Variants in RNF151 observed in about 807,000 individuals in gnomAD.
RNF151 encodes the protein ring finger protein 151.
A neutral mutation model predicts 11.1 loss-of-function variants in RNF151; 9 were observed. The observed-to-expected ratio is 0.81, with a 90% CI of 0.49 to 1.42. The LOEUF is 1.42. Ranked by LOEUF, RNF151 falls within the 40% of genes most tolerant of loss-of-function variation. RNF151 has a pLI of 0.00. For missense variants in RNF151, 372 were observed against 342.9 expected (o/e 1.08, Z -0.67); for synonymous variants, 172 against 140.7 (o/e 1.22, Z -1.58).
At chr16:1,968,315 A>G (rs116292986) in intron 3 of RNF151, 119 bp from the exon 4 acceptor site, 37,215 of 1,282,912 alleles carry the variant, frequency 0.029, 707 homozygotes, top group African/African-American at 0.085. Context: ...CCAACTCACC[A>G]GAGTCAGAAA....
chr16:1,968,875 G>GTTGGGGC lies in RNF151; in HGVS notation c.690_696dup (p.Glu233TrpfsTer3). The GTTGGGGC allele has an allele frequency of 6.2e-7, 1 of 1,600,850 alleles. No homozygotes were observed. The highest frequency in any genetic ancestry group is 8.5e-7 in the Non-Finnish European group (1 of 1,174,478). On this transcript the variant is annotated frameshift_variant, in exon 4 of 4. Coordinates refer to ENST00000569714, the MANE Select transcript of RNF151 (RefSeq NM_174903.6). LOFTEE classifies it high-confidence loss of function. ...GGCCGAGGCTGCCCCAGAAGGCAAC[G>GTTGGGGC]TTGGGGCTGAGGTGGTGGGGGAGCC...
chr16:1,967,576 C>A, intron 2 of RNF151, 149 bp from the exon 3 acceptor site: 1 of 906,970 alleles, frequency 1.1e-6, no homozygotes, highest in Admixed American at 2.2e-5. Flanking sequence ...CTGCAGACCC[C>A]GGCCCCACCC....
rs369984576 is a variant in RNF151 at position 1,968,746 on chromosome 16, C to T, written c.559C>T (p.Arg187Cys). 1.6e-5 allele frequency: 26 copies of T among 1,576,190 alleles called. No individual in the cohort carries two copies. Among genetic ancestry groups the T allele is most frequent in the South Asian group, 2.3e-5 (2 of 86,212 alleles). Residue 187 changes from arginine (R) to cysteine (C), a missense_variant, in exon 4 of 4, where the codon CGC (arginine) becomes TGC (cysteine). By Grantham distance (180) the Arg-to-Cys change is radical (BLOSUM62 -3). Coordinates refer to ENST00000569714, the MANE Select transcript of RNF151 (RefSeq NM_174903.6). Reference sequence around the variant, plus strand: ...GCTGCTGTCCCTCCTGCGGCGTGTGCGCTGGCTGGACCAAGCCACCAGTGT... The same window carrying T: ...GCTGCTGTCCCTCCTGCGGCGTGTGTGCTGGCTGGACCAAGCCACCAGTGT... ...PLLLSLLRRV[R>C]WLDQATSVVR...
In RNF151 at chr16:1,967,409, T is replaced by C; in HGVS notation, c.139T>C (p.Trp47Arg). Residue 47 changes from tryptophan to arginine, a missense_variant, in exon 2 of 4, where the codon TGG (tryptophan) becomes CGG (arginine). Trp to Arg is a moderately radical substitution (Grantham distance 101). Coordinates refer to ENST00000569714, the MANE Select transcript of RNF151 (RefSeq NM_174903.6). ...HIFCKKCILR[W>R]LARQKTCPCC... ...CTTCTGCAAAAAGTGCATCCTCCGG[T>C]GGCTAGCCAGGTGCCAGCGGGTACC... The C allele has an allele frequency of 6.2e-7, 1 of 1,613,270 alleles. No individual in the cohort carries two copies. Among genetic ancestry groups the C allele is most frequent in the Admixed American group, 1.7e-5 (1 of 59,988 alleles).
At position 1,968,922 on chromosome 16, in the gene RNF151, A is replaced by G; in HGVS notation, c.735A>G (p.Lys245=). The G allele has an allele frequency of 6.3e-7, 1 of 1,587,624 alleles. No individual in the cohort carries two copies. Among genetic ancestry groups the G allele is most frequent in the Non-Finnish European group, 8.6e-7 (1 of 1,166,574 alleles). Residue 245 remains lysine, a synonymous_variant, in exon 4 of 4, where the codon AAA becomes AAG. Coordinates refer to ENST00000569714, the MANE Select transcript of RNF151 (RefSeq NM_174903.6). The part of the protein sequence containing the change: ...VGEPRANIPC[K] ...AGCCCAGGGCCAACATACCTTGTAA[A>G]TAGGTAAATAAAAGCAGACCCCCGG...
chr16:1,968,144 A>T (rs1054429528), intron 3 of RNF151: 4 of 630,382 alleles, frequency 6.3e-6, no homozygotes, highest in Non-Finnish European at 1.1e-5. Context: ...AGTTTTACAG[A>T]TGGGTAAACC....
rs573159845 is a variant in RNF151, at chr16:1,968,658, C to G, written c.471C>G (p.Arg157=). The change falls in exon 4 of 4, where the codon CGC becomes CGG. Residue 157 remains arginine, a synonymous_variant. Transcript: ENST00000569714. ...GATLDPAERA[R]HNCYRELHNA... ...CCCTGGACCCGGCCGAGCGTGCTCG[C>G]CACAACTGCTACCGGGAGCTGCACA... is the stretch of plus-strand genomic sequence containing the variant. 24 of 1,567,486 alleles carry G rather than the reference C, an allele frequency of 1.5e-5. No homozygotes were observed. The highest frequency in any genetic ancestry group is 9.4e-5 in the Admixed American group (5 of 53,312).
chr16:1,967,635 A>C lies in RNF151; in HGVS notation c.150-90A>C. Reference sequence around the variant, plus strand: ...TATGCCCTAATGCCTCATCCAGCTAATGAAGGGACCACCTGGGTCACCGAG... The same window carrying C: ...TATGCCCTAATGCCTCATCCAGCTACTGAAGGGACCACCTGGGTCACCGAG... On this transcript the variant is annotated intron_variant, in intron 2 of 3. Coordinates refer to ENST00000569714, the MANE Select transcript of RNF151 (RefSeq NM_174903.6). 3.5e-6 allele frequency: 4 copies of C among 1,132,158 alleles called. No individual in the cohort carries two copies. In the South Asian group the frequency reaches 5.3e-5, roughly 15 times the overall value. The allele number at this position is 1,132,158 out of a possible 1,614,324, so 70.1% of individuals were successfully genotyped here.
rs1308409103 is a variant in RNF151, at chr16:1,968,801, A to T, written c.614A>T (p.Asn205Ile). The T allele has an allele frequency of 1.3e-6, 2 of 1,593,536 alleles. No homozygotes were observed. The highest frequency in any genetic ancestry group is 8.5e-7 in the Non-Finnish European group (1 of 1,170,858). Residue 205 changes from asparagine (N) to isoleucine (I), a missense_variant, in exon 4 of 4, where the codon AAC becomes ATC. Asn to Ile is a moderately radical substitution (Grantham distance 149). Coordinates refer to ENST00000569714, the MANE Select transcript of RNF151 (RefSeq NM_174903.6). ...VVRRELAELS[N>I]FLEEDTALLE... ...CGTAGAGAGCTGGCGGAGCTCAGCA[A>T]CTTCCTGGAGGAAGACACCGCTCTG...
rs749662155 is a variant in RNF151, at chr16:1,967,783, A to C, written c.208A>C (p.Asn70His). The C allele has an allele frequency of 6.8e-6, 11 of 1,611,792 alleles. No homozygotes were observed. In the East Asian group the frequency reaches 1.8e-4, roughly 26 times the overall value. ...EVKRKKVVHM[N>H]KLRKTIGRLE... ...GAAAAGGAAAAAGGTTGTCCACATG[A>C]ATAAACTCCGGAAAACCATTGGCCG... Residue 70 changes from asparagine to histidine, a missense_variant, in exon 3 of 4, where the codon AAT becomes CAT. Asn to His is a moderately conservative substitution (Grantham distance 68). Coordinates refer to ENST00000569714, the MANE Select transcript of RNF151 (RefSeq NM_174903.6).
rs549557235 is a variant in RNF151, at chr16:1,968,556, G to T, written c.369G>T (p.Pro123=). 6.2e-7 allele frequency: 1 copy of T among 1,608,428 alleles called. No homozygotes were observed. The highest frequency in any genetic ancestry group is 8.5e-7 in the Non-Finnish European group (1 of 1,178,148). ...CPNEGCTSQV[P]RGTLAEHRQH... Reference sequence around the variant, plus strand: ...ACGAGGGCTGCACCTCGCAGGTGCCGCGTGGGACCCTGGCAGAGCACCGGC... The same window carrying T: ...ACGAGGGCTGCACCTCGCAGGTGCCTCGTGGGACCCTGGCAGAGCACCGGC... Residue 123 remains proline (P), a synonymous_variant, in exon 4 of 4, where the codon CCG becomes CCT. Transcript: ENST00000569714.
rs1361910413 is a variant in RNF151 at position 1,968,942 on chromosome 16, C to A, written c.*17C>A. On this transcript the variant is annotated 3_prime_UTR_variant, in exon 4 of 4. Coordinates refer to ENST00000569714, the MANE Select transcript of RNF151 (RefSeq NM_174903.6). ...TGTAAATAGGTAAATAAAAGCAGACCCCCGGCCTGCCTGCCTCTGTGCCTG... is the reference window on the plus strand; with the variant it reads ...TGTAAATAGGTAAATAAAAGCAGACACCCGGCCTGCCTGCCTCTGTGCCTG... The A allele has an allele frequency of 3.2e-6, 5 of 1,556,886 alleles. No individual in the cohort carries two copies. In the Admixed American group the frequency reaches 9.3e-5, roughly 29 times the overall value.
At chr16:1,967,597 G>A (rs556205028) in intron 2 of RNF151, 128 bp from the exon 3 acceptor site, 5 of 935,058 alleles carry the variant, frequency 5.3e-6, no homozygotes, top group South Asian at 4.5e-5. Context: ...TCAGAGCTGA[G>A]AGCGCCCTGT....
intron 3 of RNF151, 93 bp from the exon 4 acceptor site, chr16:1,968,341 C>T (rs1055617819): frequency 3.4e-5 from 48 of 1,418,276 alleles, no homozygotes; most frequent in African/African-American, 4.3e-5. Flanking sequence ...GGGAGGCTCC[C>T]GGTTCCCTGG....
rs751397888 is a variant in RNF151, at chr16:1,968,714, G to T, written c.527G>T (p.Arg176Leu). Residue 176 changes from arginine to leucine, a missense_variant, in exon 4 of 4, where the codon CGG becomes CTG. By Grantham distance (102) the Arg-to-Leu change is moderately radical (BLOSUM62 -2). Coordinates refer to ENST00000569714, the MANE Select transcript of RNF151 (RefSeq NM_174903.6). ...NAWSVRQERR[R>L]PLLLSLLRRV... ...TGGAGCGTGCGCCAGGAGCGCCGTC[G>T]GCCCCTGCTGCTGTCCCTCCTGCGG... The T allele has an allele frequency of 6.4e-7, 1 of 1,566,810 alleles. No homozygotes were observed. Among genetic ancestry groups the T allele is most frequent in the Admixed American group, 1.9e-5 (1 of 52,938 alleles).
chr16:1,968,367 A>G, intron 3 of RNF151, 67 bp from the exon 4 acceptor site: 1 of 1,445,996 alleles, frequency 6.9e-7, no homozygotes, highest in Non-Finnish European at 9.1e-7. Context: ...GGCGAATGGA[A>G]AGCCAGGGGT....
chr16:1,968,815 G>A lies in RNF151; in HGVS notation c.628G>A (p.Asp210Asn). Reference sequence around the variant, plus strand: ...GGAGCTCAGCAACTTCCTGGAGGAAGACACCGCTCTGCTGGAGGGTGCCCC... The same window carrying A: ...GGAGCTCAGCAACTTCCTGGAGGAAAACACCGCTCTGCTGGAGGGTGCCCC... Reference protein sequence around the residue: ...LAELSNFLEEDTALLEGAPQE... With the variant: ...LAELSNFLEENTALLEGAPQE... Residue 210 changes from aspartate (D) to asparagine (N), a missense_variant, in exon 4 of 4, where the codon GAC (aspartate) becomes AAC (asparagine). Transcript: ENST00000569714. 2 of 1,593,662 alleles carry A rather than the reference G, an allele frequency of 1.3e-6. No individual in the cohort carries two copies. The highest frequency in any genetic ancestry group is 1.1e-5 in the South Asian group (1 of 87,780).
rs866535491 is a variant in RNF151, at chr16:1,968,864, C to T, written c.677C>T (p.Pro226Leu). 1 of 1,599,162 alleles carries T rather than the reference C, an allele frequency of 6.3e-7. No individual in the cohort carries two copies. The highest frequency in any genetic ancestry group is 1.1e-5 in the South Asian group (1 of 88,446). The change falls in exon 4 of 4, where the codon CCA becomes CTA. Residue 226 changes from proline to leucine, a missense_variant. Physicochemically the swap from Pro to Leu is moderately conservative, Grantham distance 98 (BLOSUM62 -3). Coordinates refer to ENST00000569714, the MANE Select transcript of RNF151 (RefSeq NM_174903.6). ...CCACAGGAGGAGGCCGAGGCTGCCC[C>T]AGAAGGCAACGTTGGGGCTGAGGTG... The part of the protein sequence containing the change: ...GAPQEEAEAA[P>L]EGNVGAEVVG...
In RNF151 at chr16:1,968,741, G is replaced by A. The variant is rs1399851154; in HGVS notation, c.554G>A (p.Arg185His). The change falls in exon 4 of 4, where the codon CGT becomes CAT. Residue 185 changes from arginine (R) to histidine (H), a missense_variant. Transcript: ENST00000569714. ...RRPLLLSLLRRVRWLDQATSV... is the reference protein window; with the variant it reads ...RRPLLLSLLRHVRWLDQATSV... ...CCCCTGCTGCTGTCCCTCCTGCGGC[G>A]TGTGCGCTGGCTGGACCAAGCCACC... The A allele has an allele frequency of 1.9e-6, 3 of 1,574,426 alleles. No individual in the cohort carries two copies. The South Asian group carries it at 3.5e-5, about 18-fold the overall frequency.
Sources: gnomAD v4.1 joint callset for allele counts on GRCh38, gnomAD v4.1.1 for gene constraint, MANE v1.5 for transcripts, NCBI Gene and HGNC (gene_info 2026-07-23, HGNC 2026-07-21) for gene names.